Variants in MME observed in about 807,000 individuals in gnomAD.
MME encodes membrane metalloendopeptidase.
In MME, 98 loss-of-function variants were observed where a neutral mutation model predicts 113.2. That is an observed-to-expected ratio of 0.87 (90% CI 0.74 to 1.02). The LOEUF is 1.02. MME is among the 50% of genes least tolerant of loss of function. The probability of loss-of-function intolerance (pLI) is 0.00; values close to 1 mark genes in which losing one functional copy is unlikely to be tolerated. For synonymous variants in MME, 292 were observed against 300.6 expected (o/e 0.97, Z 0.30); for missense variants, 836 against 896.0 (o/e 0.93, Z 0.86).
At chr3:155,161,247 C>T (rs1283292470) in intron 17 of MME, among the ~76,000 whole-genome samples, 2 of 151,970 alleles carry the variant, frequency 1.3e-5, no homozygotes, top group Admixed American at 1.3e-4. Context: ...AGGTACTCAA[C>T]TGATTCAGTA....
chr3:155,131,962 A>T (rs531680302), intron 8 of MME, among the ~76,000 whole-genome samples: 9 of 152,300 alleles, frequency 5.9e-5, no homozygotes, highest in African/African-American at 2.2e-4. Flanking sequence ...ATTATTAAAT[A>T]TTCCCCAACA....
At chr3:155,032,414 A>T (rs1713000949) in intron 1 of MME, among the ~76,000 whole-genome samples, 1 of 152,240 alleles carries the variant, frequency 6.6e-6, no homozygotes, top group Admixed American at 6.5e-5. Flanking sequence ...TCAAAACCTC[A>T]GTAAAAAGTA....
chr3:155,058,354 AC>A (rs773924550), intron 1 of MME, among the ~76,000 whole-genome samples: 1 of 152,114 alleles, frequency 6.6e-6, no homozygotes, highest in African/African-American at 2.4e-5. Context: ...TCACTCCCCT[AC>A]CCCTACCACT....
In MME at chr3:155,177,585, C is replaced by T. The variant is rs193209797; in HGVS notation, c.2154-2775C>T. On this transcript the variant is annotated intron_variant, in intron 22 of 22. Transcript: ENST00000360490. ...TCTCACAGTTCTGGAGACCGGAAGTCTAAGATCAGGGTGCCAGCATGATCA... is the reference window on the plus strand; with the variant it reads ...TCTCACAGTTCTGGAGACCGGAAGTTTAAGATCAGGGTGCCAGCATGATCA... 2.3e-3 allele frequency among the ~76,000 whole-genome samples: 343 copies of T among 152,198 alleles called. 7 individuals are homozygous for T. The highest frequency in any genetic ancestry group is 0.022 in the East Asian group (116 of 5,168).
chr3:155,137,480 G>T (rs1456473463), intron 8 of MME, among the ~76,000 whole-genome samples: 1 of 152,204 alleles, frequency 6.6e-6, no homozygotes, highest in Non-Finnish European at 1.5e-5. Context: ...GCCAAGGCAG[G>T]CGGATCACAA....
At chr3:155,026,278 T>C (rs532228171) in intron 1 of MME, among the ~76,000 whole-genome samples, 1 of 152,190 alleles carries the variant, frequency 6.6e-6, no homozygotes, top group Admixed American at 6.5e-5. Context: ...AACTTGTCAG[T>C]CAGGAAACTC....
chr3:155,078,558 T>C (rs1451593857), upstream of MME, among the ~76,000 whole-genome samples: 2 of 152,118 alleles, frequency 1.3e-5, no homozygotes, highest in African/African-American at 2.4e-5. Flanking sequence ...ACAAGGGGAC[T>C]CTTCTCAAGC....
Position 155,131,391 on chromosome 3 carries a change from C to T in MME, c.721-6711C>T, listed in dbSNP as rs554903310. Among the ~76,000 whole-genome samples, 266 of 152,288 alleles carry T rather than the reference C, an allele frequency of 1.7e-3. 1 individual carries two copies. Among genetic ancestry groups the T allele is most frequent in the African/African-American group, 6.2e-3 (258 of 41,552 alleles). ...CAGCTATGACATGATAAGACAGGCCCTGCAAGGGAAACTGCTGACCTCACT... is the reference window on the plus strand; with the variant it reads ...CAGCTATGACATGATAAGACAGGCCTTGCAAGGGAAACTGCTGACCTCACT... On this transcript the variant is annotated intron_variant, in intron 8 of 22. Coordinates refer to ENST00000360490, the MANE Select transcript of MME (RefSeq NM_007289.4).
chr3:155,153,960 C>G (rs1410689409), intron 16 of MME, among the ~76,000 whole-genome samples: 3 of 152,040 alleles, frequency 2.0e-5, no homozygotes, highest in Non-Finnish European at 4.4e-5. Flanking sequence ...GCTGCTATTA[C>G]CAGGAAACAA....
At chr3:155,051,638 C>T (rs2108128295) in intron 1 of MME, among the ~76,000 whole-genome samples, 1 of 152,280 alleles carries the variant, frequency 6.6e-6, no homozygotes, top group African/African-American at 2.4e-5. Context: ...GTGAGGGTAA[C>T]TGCCCCCATG....
intron 3 of MME, among the ~76,000 whole-genome samples, chr3:155,101,810 C>A (rs1396270099): frequency 6.6e-6 from 1 of 152,040 alleles, no homozygotes; most frequent in Admixed American, 6.5e-5. Context: ...TATAGTTTAA[C>A]TAAACCGGGA....
At position 155,182,077 on chromosome 3, in the gene MME, A is replaced by G. The variant is rs1467382088; in HGVS notation, c.*1618A>G. ...AGCGCTCTAAAAGCACCTCCTTGTC[A>G]CTTTATTACTCCCAGAACAACAACT... On this transcript the variant is annotated 3_prime_UTR_variant, in exon 23 of 23. Transcript: ENST00000360490. 6.6e-6 allele frequency: 1 copy of G among 152,158 alleles called. No individual in the cohort carries two copies. The highest frequency in any genetic ancestry group is 1.5e-5 in the Non-Finnish European group (1 of 68,032). The allele number at this position is 152,158 out of a possible 1,614,324, so 9.4% of individuals were successfully genotyped here.
chr3:155,133,052 A>ATATATATATATAT (rs1720272906), intron 8 of MME, among the ~76,000 whole-genome samples: 1 of 86,676 alleles, frequency 1.2e-5, no homozygotes, highest in African/African-American at 4.5e-5. Context: ...AAAAAAAAAA[A>ATATATATATATAT]AAAAAAAAAA....
chr3:155,077,712 CA>C (rs372942152), upstream of MME, among the ~76,000 whole-genome samples: 8,183 of 143,104 alleles, frequency 0.057, 391 homozygotes, highest in African/African-American at 0.13. Flanking sequence ...CTCATCTAAA[CA>C]AAAAAAAACG....
chr3:155,144,387 A>T lies in MME; in HGVS notation c.1346A>T (p.Glu449Val). The part of the protein sequence containing the change: ...VVEDLIAQIR[E>V]VFIQTLDDLT... The stretch of plus-strand genomic sequence containing the variant: ...GAGGATTTGATTGCACAGATCCGAG[A>T]AGTTTTTATTCAGACTTTAGATGAC... The change falls in exon 14 of 23, where the codon GAA becomes GTA. Residue 449 changes from glutamate (E) to valine (V), a missense_variant. By Grantham distance (121) the Glu-to-Val change is moderately radical. Transcript: ENST00000360490. The T allele has an allele frequency of 3.7e-6, 6 of 1,613,072 alleles. No individual in the cohort carries two copies. Among genetic ancestry groups the T allele is most frequent in the Non-Finnish European group, 5.1e-6 (6 of 1,179,272 alleles).
At chr3:155,129,872 G>T (rs1719999287) in intron 8 of MME, among the ~76,000 whole-genome samples, 1 of 152,176 alleles carries the variant, frequency 6.6e-6, no homozygotes, top group Non-Finnish European at 1.5e-5. Context: ...CACAAAATTT[G>T]TAAGTGAAAC....
intron 1 of MME, among the ~76,000 whole-genome samples, chr3:155,026,197 G>A (rs891806388): frequency 4.6e-5 from 7 of 151,916 alleles, no homozygotes; most frequent in African/African-American, 9.7e-5. Context: ...TTGGGGTAGG[G>A]GGGTGGGTGG....
upstream of MME, among the ~76,000 whole-genome samples, chr3:155,075,985 C>A (rs1302189937): frequency 6.6e-6 from 1 of 152,184 alleles, no homozygotes; most frequent in Non-Finnish European, 1.5e-5. Context: ...ATCATTCTTT[C>A]TCACATATCA....
intron 8 of MME, among the ~76,000 whole-genome samples, chr3:155,124,911 G>T (rs1719479992): frequency 6.6e-6 from 1 of 152,228 alleles, no homozygotes; most frequent in Non-Finnish European, 1.5e-5. Flanking sequence ...AGCCTATAGT[G>T]GCAGGCAGGC....
Sources: gnomAD v4.1 joint callset for allele counts (sites outside exome capture counted in the v4.1 genomes callset) on GRCh38, gnomAD v4.1.1 for gene constraint, MANE v1.5 for transcripts, NCBI Gene and HGNC (gene_info 2026-07-23, HGNC 2026-07-21) for gene names.